RIT2: variants seen among roughly 807,000 people sequenced by gnomAD.
The protein encoded by RIT2 is Ras like without CAAX 2.
A neutral mutation model predicts 23.7 loss-of-function variants in RIT2; 24 were observed. The observed-to-expected ratio is 1.01, with a 90% CI of 0.73 to 1.43. RIT2 has a LOEUF of 1.43. Ranked by LOEUF, RIT2 falls within the 40% of genes most tolerant of loss-of-function variation. The probability of loss-of-function intolerance (pLI) is 0.00; values close to 1 mark genes in which losing one functional copy is unlikely to be tolerated. For synonymous variants in RIT2, 107 were observed against 91.1 expected, an observed-to-expected ratio of 1.17 and a Z score of -0.99; for missense variants, 236 against 266.9, an observed-to-expected ratio of 0.88 and a Z score of 0.81.
At chr18:42,942,420 T>C (rs942577587) in intron 3 of RIT2, among the ~76,000 whole-genome samples, 1 of 152,152 alleles carries the variant, frequency 6.6e-6, no homozygotes, top group African/African-American at 2.4e-5. Flanking sequence ...ATATTTAACA[T>C]TAAATCAACT....
intron 2 of RIT2, among the ~76,000 whole-genome samples, chr18:43,019,145 G>A (rs1458821664): frequency 6.6e-6 from 1 of 151,678 alleles, no homozygotes; most frequent in Non-Finnish European, 1.5e-5. Flanking sequence ...TTACCTAACA[G>A]AAACTTACTT....
chr18:42,999,128 C>T (rs1182518615), intron 2 of RIT2, among the ~76,000 whole-genome samples: 1 of 151,968 alleles, frequency 6.6e-6, no homozygotes, highest in East Asian at 1.9e-4. Flanking sequence ...AAAGAGACAA[C>T]TTTAGTATTA....
chr18:43,001,666 G>T (rs2144242557), intron 2 of RIT2, among the ~76,000 whole-genome samples: 1 of 152,002 alleles, frequency 6.6e-6, no homozygotes, highest in South Asian at 2.1e-4. Flanking sequence ...TCTTATTAGG[G>T]CATTTGGGAT....
intron 2 of RIT2, among the ~76,000 whole-genome samples, chr18:43,008,957 G>A (rs1346766957): frequency 6.6e-6 from 1 of 151,506 alleles, no homozygotes; most frequent in East Asian, 2.0e-4. Flanking sequence ...TCTTGTTAAA[G>A]TTATGCTGAG....
intron 2 of RIT2, among the ~76,000 whole-genome samples, chr18:43,000,573 C>T (rs985149142): frequency 6.6e-6 from 1 of 151,958 alleles, no homozygotes; most frequent in African/African-American, 2.4e-5. Flanking sequence ...TCGCCCAAAT[C>T]TCATCTCAAA....
intron 4 of RIT2, among the ~76,000 whole-genome samples, chr18:42,895,845 T>C (rs1218630548): frequency 3.3e-5 from 5 of 152,120 alleles, no homozygotes; most frequent in Admixed American, 3.3e-4. Context: ...GCTTAGTAAA[T>C]CATGAATAGG....
intron 1 of RIT2, among the ~76,000 whole-genome samples, chr18:43,114,774 A>G (rs1184748343): frequency 6.6e-6 from 1 of 151,980 alleles, no homozygotes; most frequent in African/African-American, 2.4e-5. Context: ...CTCTATTATC[A>G]CCTCATCTTC....
intron 4 of RIT2, among the ~76,000 whole-genome samples, chr18:42,901,166 T>A (rs1908466445): frequency 6.6e-6 from 1 of 152,082 alleles, no homozygotes; most frequent in African/African-American, 2.4e-5. Flanking sequence ...ATAAACATTA[T>A]TAATTGTATT....
At chr18:42,781,964 G>A (rs1913820201) in intron 4 of RIT2, among the ~76,000 whole-genome samples, 1 of 152,190 alleles carries the variant, frequency 6.6e-6, no homozygotes, top group African/African-American at 2.4e-5. Context: ...ACTAAGAAAA[G>A]TTTTCTTATG....
At chr18:42,767,354 T>C (rs557413869) in intron 4 of RIT2, among the ~76,000 whole-genome samples, 1 of 152,304 alleles carries the variant, frequency 6.6e-6, no homozygotes, top group East Asian at 1.9e-4. Context: ...GGAGATCATT[T>C]TGGAGCTTTA....
At chr18:43,091,373 G>A (rs777757956) in intron 1 of RIT2, among the ~76,000 whole-genome samples, 12 of 151,874 alleles carry the variant, frequency 7.9e-5, no homozygotes, top group Non-Finnish European at 1.5e-4. Context: ...TGCTTTTCAC[G>A]CCAATACCAA....
chr18:43,010,027 A>C (rs1046923903), intron 2 of RIT2, among the ~76,000 whole-genome samples: 3 of 151,824 alleles, frequency 2.0e-5, no homozygotes, highest in African/African-American at 7.2e-5. Flanking sequence ...GTTCCAGAAA[A>C]GAATCACATC....
chr18:42,896,966 G>T (rs1387474329), intron 4 of RIT2, among the ~76,000 whole-genome samples: 3 of 152,098 alleles, frequency 2.0e-5, no homozygotes, highest in East Asian at 1.9e-4. Flanking sequence ...TCTTCACAAG[G>T]CTTGAGCATT....
rs376880237 is a variant in RIT2, at chr18:42,814,039, G to T, written c.427-70319C>A. Among the ~76,000 whole-genome samples the T allele has an allele frequency of 5.9e-5, 9 of 152,282 alleles. No individual in the cohort carries two copies. The East Asian group carries it at 1.7e-3, about 29-fold the overall frequency. ...TTGAGAGAGCTGAGTGAAATACAGG[G>T]GTAGAGGAAGCAGTGGGGTAAGGCC... On this transcript the variant is annotated intron_variant, in intron 4 of 4. Coordinates refer to ENST00000326695, the MANE Select transcript of RIT2 (RefSeq NM_002930.4).
intron 4 of RIT2, among the ~76,000 whole-genome samples, chr18:42,836,923 T>C (rs1427764690): frequency 6.6e-6 from 1 of 152,046 alleles, no homozygotes; most frequent in South Asian, 2.1e-4. Flanking sequence ...GGACTCTAGT[T>C]GTCGTTACCA....
intron 4 of RIT2, among the ~76,000 whole-genome samples, chr18:42,907,093 T>C (rs1908643168): frequency 1.3e-5 from 2 of 152,212 alleles, no homozygotes. Flanking sequence ...TATCTACTGT[T>C]TTTTTAAGTC....
intron 4 of RIT2, among the ~76,000 whole-genome samples, chr18:42,756,648 C>G (rs1309466379): frequency 6.6e-6 from 1 of 152,006 alleles, no homozygotes; most frequent in Non-Finnish European, 1.5e-5. Context: ...AATGCAGGAC[C>G]TTGAACGTGT....
At chr18:42,986,133 G>A (rs1233937531) in intron 2 of RIT2, among the ~76,000 whole-genome samples, 6 of 151,188 alleles carry the variant, frequency 4.0e-5, no homozygotes, top group Admixed American at 1.3e-4. Context: ...TCTGCCTCCT[G>A]GGTTCAAGCA....
intron 4 of RIT2, among the ~76,000 whole-genome samples, chr18:42,834,554 C>CACACACAT (rs980793427): frequency 2.6e-5 from 4 of 152,114 alleles, no homozygotes; most frequent in Admixed American, 1.3e-4. Context: ...CTAAAACACA[C>CACACACAT]ACACACATAC....
Sources: allele counts gnomAD v4.1 joint callset (sites outside exome capture counted in the v4.1 genomes callset), GRCh38; gene constraint gnomAD v4.1.1; transcripts MANE v1.5; gene names NCBI Gene and HGNC (gene_info 2026-07-23, HGNC 2026-07-21).